MAD1L1: variants seen among roughly 807,000 people sequenced by gnomAD.
The protein encoded by MAD1L1 is mitotic arrest deficient 1 like 1.
A neutral mutation model predicts 96.9 loss-of-function variants in MAD1L1; 95 were observed. The ratio of observed to expected loss-of-function variants is 0.98; its 90% CI spans 0.83 to 1.16. The LOEUF (loss-of-function observed/expected upper bound fraction) is 1.16, where lower values mean the gene tolerates loss of function less well. MAD1L1 is among the 50% of genes most tolerant of loss of function. The probability of loss-of-function intolerance (pLI) is 0.00; values close to 1 mark genes in which losing one functional copy is unlikely to be tolerated. For synonymous variants in MAD1L1, 473 were observed against 396.6 expected, an observed-to-expected ratio of 1.19 and a Z score of -2.29; for missense variants, 1,007 against 954.4, an observed-to-expected ratio of 1.06 and a Z score of -0.73.
At chr7:2,210,685 A>G (rs1220082273) in intron 10 of MAD1L1, among the ~76,000 whole-genome samples, 1 of 152,212 alleles carries the variant, frequency 6.6e-6, no homozygotes, top group Non-Finnish European at 1.5e-5. Flanking sequence ...GTGGAGCACA[A>G]CACAAGGAGC....
intron 14 of MAD1L1, among the ~76,000 whole-genome samples, chr7:1,988,718 C>T (rs748223180): frequency 2.6e-5 from 4 of 152,208 alleles, no homozygotes; most frequent in Non-Finnish European, 2.9e-5. Flanking sequence ...CGTGATCCCA[C>T]GGCAAAAGCC....
At chr7:2,080,332 C>T (rs927024021) in intron 11 of MAD1L1, among the ~76,000 whole-genome samples, 2 of 152,248 alleles carry the variant, frequency 1.3e-5, no homozygotes, top group African/African-American at 4.8e-5. Flanking sequence ...TACCACTACC[C>T]TATACCACAG....
At chr7:1,960,348 G>A (rs1373148781) in intron 15 of MAD1L1, among the ~76,000 whole-genome samples, 1 of 151,300 alleles carries the variant, frequency 6.6e-6, no homozygotes, top group Admixed American at 6.6e-5. Flanking sequence ...CAAATTAGAT[G>A]TAAGTAGCCT....
At chr7:2,178,944 T>C (rs1584490744) in intron 10 of MAD1L1, among the ~76,000 whole-genome samples, 1 of 150,324 alleles carries the variant, frequency 6.7e-6, no homozygotes, top group Non-Finnish European at 1.5e-5. Flanking sequence ...AAAAAATTGA[T>C]GAATTGGATT....
At chr7:1,938,999 G>GCA (rs66527139) in intron 16 of MAD1L1, among the ~76,000 whole-genome samples, 2,086 of 48,586 alleles carry the variant, frequency 0.043, 66 homozygotes, top group African/African-American at 0.13. Flanking sequence ...GCACACACAC[G>GCA]CACACACACA....
Position 2,052,251 on chromosome 7 carries a change from T to C in MAD1L1, c.1218+16943A>G, listed in dbSNP as rs1480530821. 2.0e-5 allele frequency among the ~76,000 whole-genome samples: 3 copies of C among 152,316 alleles called. No individual in the cohort carries two copies. The East Asian group carries it at 5.8e-4, about 29-fold the overall frequency. Reference sequence around the variant, plus strand: ...CAGCCAGCCATGGCATGACTCCATATGCCAACAGGCTTCCCTGGCCCCTTC... The same window carrying C: ...CAGCCAGCCATGGCATGACTCCATACGCCAACAGGCTTCCCTGGCCCCTTC... On this transcript the variant is annotated intron_variant, in intron 12 of 18. Coordinates refer to ENST00000265854, the MANE Select transcript of MAD1L1 (RefSeq NM_001013836.2).
At chr7:2,180,165 T>C (rs987755403) in intron 10 of MAD1L1, among the ~76,000 whole-genome samples, 7 of 152,206 alleles carry the variant, frequency 4.6e-5, no homozygotes, top group Middle Eastern at 6.8e-3. Context: ...GAGCTGTCCA[T>C]GGGGACTGAG....
intron 18 of MAD1L1, among the ~76,000 whole-genome samples, chr7:1,880,603 C>A (rs888957999): frequency 6.6e-6 from 1 of 152,190 alleles, no homozygotes; most frequent in Non-Finnish European, 1.5e-5. Context: ...AGTTCTTGAA[C>A]CTGCGTGCGT....
At chr7:2,168,148 G>A (rs551927926) in intron 10 of MAD1L1, among the ~76,000 whole-genome samples, 2 of 152,304 alleles carry the variant, frequency 1.3e-5, no homozygotes, top group East Asian at 1.9e-4. Context: ...AGCCAGGCGT[G>A]GTGGTGGGTG....
At chr7:2,144,522 G>C (rs890529979) in intron 11 of MAD1L1, among the ~76,000 whole-genome samples, 1 of 152,106 alleles carries the variant, frequency 6.6e-6, no homozygotes, top group East Asian at 1.9e-4. Flanking sequence ...CTCAGAGCAC[G>C]CTGGCCTATT....
intron 18 of MAD1L1, among the ~76,000 whole-genome samples, chr7:1,837,727 G>A (rs1296397115): frequency 6.6e-6 from 1 of 152,262 alleles, no homozygotes; most frequent in Non-Finnish European, 1.5e-5. Context: ...TGGAAAACGT[G>A]GATGAACCCG....
chr7:2,115,980 AG>A (rs5881918), intron 11 of MAD1L1, among the ~76,000 whole-genome samples: 1 of 152,128 alleles, frequency 6.6e-6, no homozygotes, highest in Non-Finnish European at 1.5e-5. Context: ...GAGACGGTGG[AG>A]GGGGGATAAG....
At chr7:1,817,861 G>C (rs968992731) in intron 18 of MAD1L1, among the ~76,000 whole-genome samples, 11 of 151,974 alleles carry the variant, frequency 7.2e-5, no homozygotes, top group African/African-American at 2.7e-4. Context: ...TGCCTGGGCT[G>C]GGCCCCGCCC....
chr7:2,000,759 C>G (rs991643945), intron 14 of MAD1L1, among the ~76,000 whole-genome samples: 2 of 152,238 alleles, frequency 1.3e-5, no homozygotes, highest in African/African-American at 4.8e-5. Flanking sequence ...CCTTAAGCAG[C>G]TGCTGAGTGA....
chr7:2,096,237 G>A (rs868224770), intron 11 of MAD1L1, among the ~76,000 whole-genome samples: 1 of 152,216 alleles, frequency 6.6e-6, no homozygotes, highest in African/African-American at 2.4e-5. Flanking sequence ...GGTCGTCCTC[G>A]TCGGACACAA....
intron 18 of MAD1L1, among the ~76,000 whole-genome samples, chr7:1,873,866 C>T (rs1178821299): frequency 6.6e-6 from 1 of 152,188 alleles, no homozygotes; most frequent in Non-Finnish European, 1.5e-5. Context: ...TGAAACTGCT[C>T]CCCGTGGCTG....
chr7:2,139,235 C>T (rs1157424431), intron 11 of MAD1L1, among the ~76,000 whole-genome samples: 1 of 151,938 alleles, frequency 6.6e-6, no homozygotes, highest in Non-Finnish European at 1.5e-5. Context: ...TCACACGGCC[C>T]GACCCCCTGA....
chr7:2,018,908 T>C lies in MAD1L1; in HGVS notation c.1219-4266A>G, dbSNP rs549216431. On this transcript the variant is annotated intron_variant, in intron 12 of 18. Transcript: ENST00000265854. Reference sequence around the variant, plus strand: ...CATGCGACATTCTCTGCAGGGCCTCTTCCCAAGCCCATCCCACCTCAGCTC... The same window carrying C: ...CATGCGACATTCTCTGCAGGGCCTCCTCCCAAGCCCATCCCACCTCAGCTC... Among the ~76,000 whole-genome samples the C allele has an allele frequency of 5.3e-5, 8 of 152,038 alleles. No homozygotes were observed. The South Asian group carries it at 1.7e-3, about 32-fold the overall frequency.
chr7:2,045,237 C>T (rs958303853), intron 12 of MAD1L1, among the ~76,000 whole-genome samples: 22 of 152,220 alleles, frequency 1.4e-4, no homozygotes, highest in Admixed American at 2.6e-4. Flanking sequence ...TAAGAGTCCC[C>T]TGTATCCCTG....
Sources: allele counts gnomAD v4.1 joint callset (sites outside exome capture counted in the v4.1 genomes callset), GRCh38; gene constraint gnomAD v4.1.1; transcripts MANE v1.5; gene names NCBI Gene and HGNC (gene_info 2026-07-23, HGNC 2026-07-21).